PCDH15: variants seen among roughly 807,000 people sequenced by gnomAD.
The protein encoded by PCDH15 is protocadherin-15.
In PCDH15, 129 loss-of-function variants were observed where a neutral mutation model predicts 178.5. That is an observed-to-expected ratio of 0.72 (90% CI 0.63 to 0.84). The LOEUF is 0.84. Among genes scored for constraint, PCDH15 ranks in the 40% least tolerant of loss-of-function variants. The probability of loss-of-function intolerance (pLI) is 0.00; values close to 1 mark genes in which losing one functional copy is unlikely to be tolerated. For synonymous variants in PCDH15, 800 were observed against 732.0 expected, an observed-to-expected ratio of 1.09 and a Z score of -1.50; for missense variants, 2,230 against 2,099.9, an observed-to-expected ratio of 1.06 and a Z score of -1.21.
chr10:55,577,968 CAACT>C (rs1842528442), intron 2 of PCDH15, among the ~76,000 whole-genome samples: 1 of 151,802 alleles, frequency 6.6e-6, no homozygotes, highest in African/African-American at 2.4e-5. Context: ...AGAGAGAGAG[CAACT>C]GTTACTTTTC....
intron 28 of PCDH15, among the ~76,000 whole-genome samples, chr10:53,847,410 C>A (rs547970398): frequency 6.6e-6 from 1 of 152,136 alleles, no homozygotes; most frequent in African/African-American, 2.4e-5. Flanking sequence ...AAAATACAGG[C>A]ATACAGTTCC....
At chr10:54,304,192 T>TCATTGTTTCCCGTTAAATTAACACTGG (rs1241741292) in intron 8 of PCDH15, among the ~76,000 whole-genome samples, 2 of 152,126 alleles carry the variant, frequency 1.3e-5, no homozygotes, top group Admixed American at 1.3e-4. Context: ...CTCACCCATA[T>TCATTGTTTCCCGTTAAATTAACACTGG]CATTGTTTCC....
intron 1 of PCDH15, among the ~76,000 whole-genome samples, chr10:55,292,634 G>C (rs953582028): frequency 6.6e-6 from 1 of 152,050 alleles, no homozygotes; most frequent in Admixed American, 6.6e-5. Context: ...TACCCACCTC[G>C]GCCTTCCAAA....
In PCDH15 at chr10:53,804,462, A is replaced by G. The variant is rs929446814; in HGVS notation, c.*2117T>C. On this transcript the variant is annotated 3_prime_UTR_variant, in exon 38 of 38. Coordinates refer to ENST00000644397, the MANE Select transcript of PCDH15 (RefSeq NM_001384140.1). ...ATCTTAAGCTTCATGATTTTTCAAC[A>G]TTAAGAAAACAAACAAAAAACACAA... 1 of 152,000 alleles carries G rather than the reference A, an allele frequency of 6.6e-6. No homozygotes were observed. The highest frequency in any genetic ancestry group is 2.4e-5 in the African/African-American group (1 of 41,416). 9.4% of individuals were successfully genotyped at this position (152,000 alleles called of 1,614,324 possible). A position where few individuals can be genotyped will look rare whatever the true frequency, so the allele number is the denominator to read the frequency against.
intron 12 of PCDH15, among the ~76,000 whole-genome samples, chr10:54,184,489 G>A (rs1304217173): frequency 2.0e-5 from 3 of 151,838 alleles, no homozygotes; most frequent in African/African-American, 7.3e-5. Context: ...CCTATCTCAT[G>A]ATAAATATTT....
At chr10:54,542,908 C>T (rs982901990) in intron 2 of PCDH15, among the ~76,000 whole-genome samples, 2 of 152,282 alleles carry the variant, frequency 1.3e-5, no homozygotes, top group African/African-American at 4.8e-5. Flanking sequence ...AGCCAAGACC[C>T]TAGCAGGCAG....
At chr10:55,373,524 A>G (rs758614142) in intron 2 of PCDH15, among the ~76,000 whole-genome samples, 2 of 152,168 alleles carry the variant, frequency 1.3e-5, no homozygotes, top group Non-Finnish European at 2.9e-5. Flanking sequence ...ATTAAAATAC[A>G]GAAGGACAGT....
At chr10:54,375,039 A>G (rs571445010) in intron 4 of PCDH15, among the ~76,000 whole-genome samples, 2 of 152,222 alleles carry the variant, frequency 1.3e-5, no homozygotes, top group East Asian at 1.9e-4. Flanking sequence ...CATGATTTGC[A>G]TCACTTTCTC....
intron 23 of PCDH15, among the ~76,000 whole-genome samples, chr10:53,946,947 T>A (rs1228522866): frequency 6.6e-6 from 1 of 152,078 alleles, no homozygotes; most frequent in Non-Finnish European, 1.5e-5. Flanking sequence ...TGGCTAATTT[T>A]TTGTATTTTT....
intron 3 of PCDH15, among the ~76,000 whole-genome samples, chr10:54,405,125 C>T (rs534149380): frequency 1.3e-5 from 2 of 152,150 alleles, no homozygotes; most frequent in East Asian, 3.9e-4. Context: ...ACAGAAATAC[C>T]ATCCGACCCT....
chr10:55,586,014 G>T (rs567508333), intron 2 of PCDH15, among the ~76,000 whole-genome samples: 1 of 152,084 alleles, frequency 6.6e-6, no homozygotes, highest in Admixed American at 6.6e-5. Flanking sequence ...TATGAATTCA[G>T]CCTAATCTGT....
At chr10:54,319,021 T>G (rs1034397550) in intron 7 of PCDH15, among the ~76,000 whole-genome samples, 4 of 152,172 alleles carry the variant, frequency 2.6e-5, no homozygotes, top group Admixed American at 1.3e-4. Flanking sequence ...AGAATGTTTG[T>G]CATAGGACAG....
intron 1 of PCDH15, among the ~76,000 whole-genome samples, chr10:55,300,383 C>T (rs1386818164): frequency 2.0e-5 from 3 of 152,216 alleles, no homozygotes; most frequent in African/African-American, 2.4e-5. Context: ...GCAAGATGCA[C>T]TCATCAAAGA....
intron 2 of PCDH15, among the ~76,000 whole-genome samples, chr10:54,604,728 C>T (rs536673774): frequency 6.6e-6 from 1 of 151,780 alleles, no homozygotes; most frequent in South Asian, 2.1e-4. Flanking sequence ...CAGTTTAATC[C>T]TTTTACATTT....
At chr10:54,457,259 A>G (rs1037323717) in intron 3 of PCDH15, among the ~76,000 whole-genome samples, 31 of 152,178 alleles carry the variant, frequency 2.0e-4, no homozygotes, top group African/African-American at 7.2e-4. Context: ...CGAGCTATCA[A>G]CATCAGCCCT....
chr10:55,244,339 CT>C, intron 1 of PCDH15, among the ~76,000 whole-genome samples: 1 of 151,870 alleles, frequency 6.6e-6, no homozygotes, highest in East Asian at 1.9e-4. Flanking sequence ...AAAAAATAAG[CT>C]AGAATACTAA....
intron 3 of PCDH15, among the ~76,000 whole-genome samples, chr10:54,415,027 G>A (rs1412494791): frequency 2.0e-5 from 3 of 151,772 alleles, no homozygotes; most frequent in Non-Finnish European, 2.9e-5. Context: ...GTTACATAAA[G>A]GAAAAATATT....
At chr10:54,219,592 C>CAAAAAAAAAAAAAAA (rs763785938) in intron 9 of PCDH15, among the ~76,000 whole-genome samples, 1 of 32,394 alleles carries the variant, frequency 3.1e-5, no homozygotes, top group Non-Finnish European at 6.6e-5. Context: ...GACTCCATCT[C>CAAAAAAAAAAAAAAA]AAAAAAAAAA....
chr10:54,721,854 C>A (rs1566037251), intron 1 of PCDH15, among the ~76,000 whole-genome samples: 1 of 151,818 alleles, frequency 6.6e-6, no homozygotes, highest in East Asian at 1.9e-4. Flanking sequence ...AAAGACTCCT[C>A]CTTCTCTCTT....
Sources: allele counts gnomAD v4.1 joint callset (sites outside exome capture counted in the v4.1 genomes callset), GRCh38; gene constraint gnomAD v4.1.1; transcripts MANE v1.5; gene names NCBI Gene and HGNC (gene_info 2026-07-23, HGNC 2026-07-21).